The following NCOA1 variants were observed in gnomAD, a reference collection of about 807,000 sequenced individuals.
The protein encoded by NCOA1 is Hin-2 protein.
NCOA1 carries 35 observed loss-of-function variants against 150.9 expected under a neutral mutation model. The observed-to-expected ratio is 0.23, with a 90% CI of 0.18 to 0.31. The LOEUF is 0.31. NCOA1 is among the 10% of genes least tolerant of loss of function. The probability of loss-of-function intolerance (pLI) is 1.00; values close to 1 mark genes in which losing one functional copy is unlikely to be tolerated. For synonymous variants in NCOA1, 590 were observed against 630.0 expected (o/e 0.94, Z 0.95); for missense variants, 1,491 against 1,749.3 (o/e 0.85, Z 2.63).
intron 3 of NCOA1, among the ~76,000 whole-genome samples, chr2:24,595,722 T>C (rs1667857897): frequency 1.3e-5 from 2 of 151,956 alleles, no homozygotes; most frequent in Admixed American, 1.3e-4. Context: ...GTCCTAATTG[T>C]TTTTTAGGGC....
At chr2:24,558,596 G>A (rs555587242) in intron 1 of NCOA1, among the ~76,000 whole-genome samples, 62 of 152,284 alleles carry the variant, frequency 4.1e-4, no homozygotes, top group African/African-American at 1.5e-3. Flanking sequence ...CCCACAACAT[G>A]GGGGAATTCT....
rs574769484 is a variant in NCOA1, at chr2:24,734,027, A to G, written c.3201+4212A>G. ...TGGTGAAGCCCCGTCTCTACTAAAA[A>G]TACAAAAATTAGCTGGGTGTGGTGG... is the stretch of plus-strand genomic sequence containing the variant. On this transcript the variant is annotated intron_variant, in intron 17 of 22. Coordinates refer to ENST00000348332, the MANE Select transcript of NCOA1 (RefSeq NM_003743.5). Among the ~76,000 whole-genome samples the G allele has an allele frequency of 5.9e-5, 9 of 152,146 alleles. No individual in the cohort carries two copies. In the East Asian group the frequency reaches 1.7e-3, roughly 30 times the overall value.
In NCOA1 at chr2:24,576,149, G is replaced by GTTTTTTTTTGT. The variant is rs1666947727; in HGVS notation, c.-259-8318_-259-8317insGTTTTTTTTTT. 1.2e-3 allele frequency among the ~76,000 whole-genome samples: 115 copies of GTTTTTTTTTGT among 93,932 alleles called. 3 individuals carry two copies. Among genetic ancestry groups the GTTTTTTTTTGT allele is most frequent in the Non-Finnish European group, 1.6e-3 (80 of 48,802 alleles). The allele number at this position is 93,932 out of a possible 152,430, so 61.6% of individuals were successfully genotyped here. ...GAGTTTCAGAAATTATTTGGCCTTT[G>GTTTTTTTTTGT]TTTTTTTTTTTTTGTTTTTTGTTTT... On this transcript the variant is annotated intron_variant, in intron 2 of 22. Coordinates refer to ENST00000348332, the MANE Select transcript of NCOA1 (RefSeq NM_003743.5).
chr2:24,610,985 A>C (rs371487691), intron 3 of NCOA1, among the ~76,000 whole-genome samples: 5 of 152,128 alleles, frequency 3.3e-5, no homozygotes, highest in African/African-American at 1.2e-4. Flanking sequence ...CAGGGAGTAC[A>C]TGTACAGGTT....
intron 1 of NCOA1, among the ~76,000 whole-genome samples, chr2:24,504,478 T>C (rs1438533775): frequency 6.6e-6 from 1 of 152,246 alleles, no homozygotes; most frequent in Non-Finnish European, 1.5e-5. Flanking sequence ...TGCCTTACTA[T>C]AGCAGAATTG....
intron 3 of NCOA1, among the ~76,000 whole-genome samples, chr2:24,598,643 T>C (rs1195530283): frequency 6.6e-6 from 1 of 152,136 alleles, no homozygotes; most frequent in East Asian, 1.9e-4. Context: ...GCAAAGAGCG[T>C]TGCATATACA....
At chr2:24,555,914 T>C (rs1306647165) in intron 1 of NCOA1, 4 of 152,262 alleles carry the variant, frequency 2.6e-5, no homozygotes, top group African/African-American at 7.2e-5. Context: ...TTAGATTATT[T>C]CTACTTAGTT....
At chr2:24,708,968 G>A (rs1272099267) in intron 13 of NCOA1, among the ~76,000 whole-genome samples, 2 of 152,106 alleles carry the variant, frequency 1.3e-5, no homozygotes. Flanking sequence ...CCTTCCCCAA[G>A]TATCCCTAGT....
chr2:24,746,065 C>T (rs964694683), intron 19 of NCOA1, among the ~76,000 whole-genome samples: 3 of 152,344 alleles, frequency 2.0e-5, no homozygotes, highest in Non-Finnish European at 2.9e-5. Context: ...AAGTTCCTTA[C>T]GTGAGCAGAG....
chr2:24,533,190 A>G (rs1345036989), intron 1 of NCOA1, among the ~76,000 whole-genome samples: 14 of 152,092 alleles, frequency 9.2e-5, no homozygotes, highest in African/African-American at 2.2e-4. Context: ...TTGGATTCCT[A>G]GGTATTTTAT....
chr2:24,621,708 G>C (rs1237337382), intron 3 of NCOA1, among the ~76,000 whole-genome samples: 1 of 152,098 alleles, frequency 6.6e-6, no homozygotes, highest in Non-Finnish European at 1.5e-5. Flanking sequence ...TCAAACTCCA[G>C]ACCTCGGGTG....
chr2:24,650,475 TGAAAA>T (rs1670663883), intron 4 of NCOA1, among the ~76,000 whole-genome samples: 1 of 151,878 alleles, frequency 6.6e-6, no homozygotes, highest in African/African-American at 2.4e-5. Context: ...GTAAAGAAAA[TGAAAA>T]GAGAAACCAC....
intron 1 of NCOA1, among the ~76,000 whole-genome samples, chr2:24,524,252 T>C (rs561085664): frequency 6.6e-6 from 1 of 152,274 alleles, no homozygotes; most frequent in African/African-American, 2.4e-5. Flanking sequence ...CAGATTGCCT[T>C]TCAACTTCTT....
chr2:24,547,732 T>C (rs1030177778), intron 1 of NCOA1, among the ~76,000 whole-genome samples: 1 of 151,990 alleles, frequency 6.6e-6, no homozygotes, highest in Admixed American at 6.5e-5. Context: ...CTCATGCCTG[T>C]AATCCCAACA....
intron 1 of NCOA1, among the ~76,000 whole-genome samples, chr2:24,532,191 A>G (rs1261079604): frequency 2.0e-5 from 3 of 152,068 alleles, no homozygotes; most frequent in Non-Finnish European, 1.5e-5. Flanking sequence ...TTTGATTTGC[A>G]TTTCTCTGAT....
chr2:24,568,278 T>C (rs1666594915), intron 2 of NCOA1, among the ~76,000 whole-genome samples: 1 of 152,188 alleles, frequency 6.6e-6, no homozygotes, highest in Non-Finnish European at 1.5e-5. Flanking sequence ...CCTAGAACAT[T>C]TGCAAAGTTA....
intron 11 of NCOA1, among the ~76,000 whole-genome samples, chr2:24,698,422 A>G (rs957431003): frequency 6.6e-6 from 1 of 152,098 alleles, no homozygotes; most frequent in African/African-American, 2.4e-5. Flanking sequence ...GTCAAAAAAT[A>G]TATCCTATGA....
chr2:24,738,546 A>C (rs1234595876), intron 17 of NCOA1, among the ~76,000 whole-genome samples: 1 of 152,224 alleles, frequency 6.6e-6, no homozygotes, highest in Non-Finnish European at 1.5e-5. Context: ...CAGTATTCAC[A>C]GAAAATTGTT....
chr2:24,650,965 A>G (rs1241393928), intron 4 of NCOA1, among the ~76,000 whole-genome samples: 7 of 152,122 alleles, frequency 4.6e-5, no homozygotes, highest in Non-Finnish European at 7.4e-5. Context: ...TTGGCATTCA[A>G]AAATTTTTGG....
Sources: gnomAD v4.1 joint callset for allele counts (sites outside exome capture counted in the v4.1 genomes callset) on GRCh38, gnomAD v4.1.1 for gene constraint, MANE v1.5 for transcripts, NCBI Gene and HGNC (gene_info 2026-07-23, HGNC 2026-07-21) for gene names.